BNC2: variants seen among roughly 807,000 people sequenced by gnomAD.
BNC2 encodes the protein zinc finger protein basonuclin-2.
In BNC2, 20 loss-of-function variants were observed where a neutral mutation model predicts 76.3. That is an observed-to-expected ratio of 0.26 (90% CI 0.18 to 0.38). BNC2 has a LOEUF of 0.38. Among genes scored for constraint, BNC2 ranks in the 10% least tolerant of loss-of-function variants. BNC2 has a pLI of 1.00. For synonymous variants in BNC2, 582 were observed against 514.8 expected (o/e 1.13, Z -1.77); for missense variants, 1,382 against 1,399.8 (o/e 0.99, Z 0.20).
intron 2 of BNC2, chr9:16,728,268 C>T (rs1204277075): frequency 1.5e-5 from 8 of 524,890 alleles, no homozygotes; most frequent in Non-Finnish European, 1.7e-5. Context: ...TTCAAACTCT[C>T]AGCCACTGCA....
At chr9:16,509,258 G>C (rs1822699841) in intron 5 of BNC2, among the ~76,000 whole-genome samples, 1 of 152,164 alleles carries the variant, frequency 6.6e-6, no homozygotes, top group Non-Finnish European at 1.5e-5. Context: ...TTCTCTTACA[G>C]ATCACCTCAA....
At chr9:16,736,165 C>T (rs13284478) in intron 2 of BNC2, among the ~76,000 whole-genome samples, 64,319 of 149,450 alleles carry the variant, frequency 0.43, 18,481 homozygotes, top group Non-Finnish European at 0.64. Flanking sequence ...ACCTGGGAGG[C>T]AGAGGTTGCA....
At chr9:16,513,299 C>CT (rs1202222924) in intron 5 of BNC2, among the ~76,000 whole-genome samples, 2,927 of 85,546 alleles carry the variant, frequency 0.034, 120 homozygotes, top group Non-Finnish European at 0.047. Context: ...AGAAAAGGTT[C>CT]TTTTTTTTTT....
At chr9:16,745,997 T>TAC (rs1294969419) in intron 1 of BNC2, among the ~76,000 whole-genome samples, 2 of 152,206 alleles carry the variant, frequency 1.3e-5, no homozygotes, top group Admixed American at 6.5e-5. Context: ...TCTGCAGCCT[T>TAC]ACACACACAG....
At chr9:16,577,020 G>A (rs528128041) in intron 4 of BNC2, among the ~76,000 whole-genome samples, 1 of 152,262 alleles carries the variant, frequency 6.6e-6, no homozygotes, top group East Asian at 1.9e-4. Flanking sequence ...ACAGGCGTGA[G>A]CCACCGCGCC....
intron 1 of BNC2, among the ~76,000 whole-genome samples, chr9:16,857,688 AAT>A (rs1819298188): frequency 6.6e-6 from 1 of 152,220 alleles, no homozygotes; most frequent in Non-Finnish European, 1.5e-5. Context: ...ATATCTAATT[AAT>A]AGTTGATGCT....
intron 1 of BNC2, among the ~76,000 whole-genome samples, chr9:16,813,116 G>A (rs1411299031): frequency 6.6e-6 from 1 of 151,980 alleles, no homozygotes; most frequent in East Asian, 2.0e-4. Context: ...GAGAATCACT[G>A]GAACCCTGTA....
intron 3 of BNC2, among the ~76,000 whole-genome samples, chr9:16,600,774 A>G (rs1395232762): frequency 6.6e-6 from 1 of 152,094 alleles, no homozygotes; most frequent in Non-Finnish European, 1.5e-5. Context: ...TAATATAAAG[A>G]GCTAGGGTTA....
chr9:16,845,452 T>G (rs978522138), intron 1 of BNC2, among the ~76,000 whole-genome samples: 2 of 152,190 alleles, frequency 1.3e-5, no homozygotes, highest in East Asian at 1.9e-4. Context: ...CCGGGCGCGG[T>G]GGCTCACACC....
chr9:16,826,139 AG>A (rs1241645119), intron 1 of BNC2, among the ~76,000 whole-genome samples: 2 of 152,078 alleles, frequency 1.3e-5, no homozygotes, highest in Non-Finnish European at 2.9e-5. Context: ...CACCATGCAC[AG>A]CTAACACATT....
chr9:16,843,360 T>C (rs1818882079), intron 1 of BNC2, among the ~76,000 whole-genome samples: 1 of 152,246 alleles, frequency 6.6e-6, no homozygotes, highest in South Asian at 2.1e-4. Flanking sequence ...GACGGAGTCT[T>C]GCTCTGTCGC....
chr9:16,754,330 T>C (rs1360905459), intron 1 of BNC2, among the ~76,000 whole-genome samples: 1 of 152,140 alleles, frequency 6.6e-6, no homozygotes, highest in Non-Finnish European at 1.5e-5. Flanking sequence ...ATAAGAACCT[T>C]TGCCTCCTCC....
chr9:16,758,119 G>A (rs952469365), intron 1 of BNC2, among the ~76,000 whole-genome samples: 1 of 152,034 alleles, frequency 6.6e-6, no homozygotes, highest in Non-Finnish European at 1.5e-5. Flanking sequence ...GCTTCTATCC[G>A]CCACCAGCAT....
intron 5 of BNC2, among the ~76,000 whole-genome samples, chr9:16,448,054 G>A (rs868368352): frequency 6.6e-5 from 10 of 152,046 alleles, no homozygotes; most frequent in African/African-American, 2.4e-4. Flanking sequence ...CCCTGCAGCG[G>A]CCTTGTTTTC....
At chr9:16,829,006 G>A (rs1563961563) in intron 1 of BNC2, among the ~76,000 whole-genome samples, 1 of 151,392 alleles carries the variant, frequency 6.6e-6, no homozygotes, top group African/African-American at 2.4e-5. Flanking sequence ...GGCGGGGTGG[G>A]CTGGGCAGAG....
At chr9:16,840,510 G>T (rs1004884027) in intron 1 of BNC2, among the ~76,000 whole-genome samples, 1 of 152,120 alleles carries the variant, frequency 6.6e-6, no homozygotes, top group African/African-American at 2.4e-5. Flanking sequence ...CCTATCACAA[G>T]TGTTTTTCCT....
intron 1 of BNC2, among the ~76,000 whole-genome samples, chr9:16,783,035 G>A (rs1826196894): frequency 6.6e-6 from 1 of 152,144 alleles, no homozygotes; most frequent in South Asian, 2.1e-4. Context: ...AATGCTGCTT[G>A]TGTTTTCAGA....
intron 3 of BNC2, among the ~76,000 whole-genome samples, chr9:16,643,423 A>G (rs1039240818): frequency 1.3e-5 from 2 of 152,000 alleles, no homozygotes; most frequent in Non-Finnish European, 1.5e-5. Context: ...AACCCCAAAC[A>G]TAAGTAAGAA....
At chr9:16,836,116 G>A (rs1231344600) in intron 1 of BNC2, among the ~76,000 whole-genome samples, 3 of 152,108 alleles carry the variant, frequency 2.0e-5, no homozygotes, top group South Asian at 2.1e-4. Context: ...TGCCTCTCAC[G>A]CTATGAATGT....
Sources: gnomAD v4.1 joint callset for allele counts (sites outside exome capture counted in the v4.1 genomes callset) on GRCh38, gnomAD v4.1.1 for gene constraint, MANE v1.5 for transcripts, NCBI Gene and HGNC (gene_info 2026-07-23, HGNC 2026-07-21) for gene names.